Variants in GABPB1 observed in about 807,000 individuals in gnomAD.
GABPB1 encodes the protein GA binding protein transcription factor subunit beta 1.
In GABPB1, 15 loss-of-function variants were observed where a neutral mutation model predicts 45.9. The observed-to-expected ratio is 0.33, with a 90% CI of 0.22 to 0.50. The LOEUF (loss-of-function observed/expected upper bound fraction) is 0.50, where lower values mean the gene tolerates loss of function less well. Ranked by LOEUF, GABPB1 falls within the 20% of genes least tolerant of loss-of-function variation. The pLI is 0.98. For missense variants in GABPB1, 252 were observed against 457.5 expected (o/e 0.55, Z 4.10); for synonymous variants, 143 against 154.4 (o/e 0.93, Z 0.55).
chr15:50,303,436 C>A (rs2046827696), intron 3 of GABPB1, among the ~76,000 whole-genome samples: 1 of 152,168 alleles, frequency 6.6e-6, no homozygotes, highest in Non-Finnish European at 1.5e-5. Flanking sequence ...GTAATCCCAG[C>A]ACTTTGGGAG....
chr15:50,342,727 T>C (rs940447125), intron 1 of GABPB1, among the ~76,000 whole-genome samples: 1 of 152,364 alleles, frequency 6.6e-6, no homozygotes, highest in Non-Finnish European at 1.5e-5. Context: ...CACATGCACA[T>C]AGTAACATAT....
intron 1 of GABPB1, among the ~76,000 whole-genome samples, chr15:50,322,574 A>G (rs1469006508): frequency 1.3e-5 from 2 of 152,166 alleles, no homozygotes; most frequent in Admixed American, 6.5e-5. Context: ...TGTCCAGTAC[A>G]GTAACCACTA....
intron 1 of GABPB1, among the ~76,000 whole-genome samples, chr15:50,346,089 A>G (rs1226961675): frequency 6.6e-6 from 1 of 152,138 alleles, no homozygotes; most frequent in Non-Finnish European, 1.5e-5. Flanking sequence ...GGTAAAGTTA[A>G]CTGTGGCAGC....
At chr15:50,312,370 C>T (rs1354386238) in intron 1 of GABPB1, among the ~76,000 whole-genome samples, 1 of 152,098 alleles carries the variant, frequency 6.6e-6, no homozygotes, top group Non-Finnish European at 1.5e-5. Context: ...ATTTCCTTTC[C>T]TTTTTTTCTC....
Position 50,279,801 on chromosome 15 carries a change from T to C in GABPB1, c.1000-1017A>G, listed in dbSNP as rs189890298. ...AGGGGTCGGACTATCACAAGAATGA[T>C]AGGTCCACAGTGGACAAGACACTTG... On this transcript the variant is annotated intron_variant, in intron 8 of 8. Coordinates refer to ENST00000380877, the MANE Select transcript of GABPB1 (RefSeq NM_016654.5). Among the ~76,000 whole-genome samples the C allele has an allele frequency of 1.3e-3, 193 of 152,204 alleles. 2 individuals carry two copies. Among genetic ancestry groups the C allele is most frequent in the South Asian group, 4.0e-3 (19 of 4,810 alleles).
chr15:50,293,303 T>C (rs2046411953), intron 6 of GABPB1, among the ~76,000 whole-genome samples: 1 of 152,120 alleles, frequency 6.6e-6, no homozygotes, highest in African/African-American at 2.4e-5. Flanking sequence ...GGAAAAATAC[T>C]AGGAAACTAG....
At chr15:50,286,966 T>A (rs1311115057) in intron 7 of GABPB1, among the ~76,000 whole-genome samples, 1 of 152,122 alleles carries the variant, frequency 6.6e-6, no homozygotes, top group African/African-American at 2.4e-5. Context: ...TGCCAAAACA[T>A]GAAAAACTCT....
At chr15:50,325,376 G>C (rs1338847932) in intron 1 of GABPB1, among the ~76,000 whole-genome samples, 2 of 150,728 alleles carry the variant, frequency 1.3e-5, no homozygotes, top group East Asian at 3.9e-4. Flanking sequence ...GATCAGCTGT[G>C]TGACCCAGGT....
chr15:50,317,346 G>T, intron 1 of GABPB1, among the ~76,000 whole-genome samples: 1 of 149,860 alleles, frequency 6.7e-6, no homozygotes, highest in Non-Finnish European at 1.5e-5. Context: ...AGAGGTTGCA[G>T]TGAGCCGAGA....
chr15:50,287,440 G>C (rs1258760298), intron 7 of GABPB1, among the ~76,000 whole-genome samples: 2 of 152,158 alleles, frequency 1.3e-5, no homozygotes, highest in African/African-American at 4.8e-5. Flanking sequence ...TGGAGATAGG[G>C]TCCTTAAACA....
chr15:50,284,185 C>A (rs1482671378), intron 8 of GABPB1, among the ~76,000 whole-genome samples: 2 of 152,054 alleles, frequency 1.3e-5, no homozygotes, highest in African/African-American at 4.8e-5. Flanking sequence ...TGCAAAATAA[C>A]GACTTCATGT....
At position 50,289,671 on chromosome 15, in the gene GABPB1, GGA is replaced by G; in HGVS notation, c.698-5_698-4del. On this transcript the variant is annotated splice_polypyrimidine_tract_variant and splice_region_variant and intron_variant, in intron 6 of 8. Coordinates refer to ENST00000380877, the MANE Select transcript of GABPB1 (RefSeq NM_016654.5). ...AACTACTTCTTCTGTGGCCACTACT[GGA>G]AAAAAAAAAAAGAAAACTCAGCAAA... 6.4e-7 allele frequency: 1 copy of G among 1,570,590 alleles called. No homozygotes were observed. The highest frequency in any genetic ancestry group is 8.6e-7 in the Non-Finnish European group (1 of 1,164,136).
intron 1 of GABPB1, among the ~76,000 whole-genome samples, chr15:50,346,874 GC>G (rs952828020): frequency 1.4e-5 from 2 of 141,086 alleles, no homozygotes; most frequent in Non-Finnish European, 3.0e-5. Flanking sequence ...TGCAACCTCC[GC>G]CCCCCCCAGG....
rs1025200689 is a variant in GABPB1, at chr15:50,281,357, G to A, written c.1000-2573C>T. ...CTCCTGAGTAGCTGGGACTATAGGCGCACGCCACCATGCTCAGCTAATTTT... is the reference window on the plus strand; with the variant it reads ...CTCCTGAGTAGCTGGGACTATAGGCACACGCCACCATGCTCAGCTAATTTT... On this transcript the variant is annotated intron_variant, in intron 8 of 8. Coordinates refer to ENST00000380877, the MANE Select transcript of GABPB1 (RefSeq NM_016654.5). Among the ~76,000 whole-genome samples, 250 of 151,158 alleles carry A rather than the reference G, an allele frequency of 1.7e-3. 1 individual carries two copies. Among genetic ancestry groups the A allele is most frequent in the Non-Finnish European group, 2.5e-3 (166 of 67,552 alleles).
At chr15:50,329,546 C>A (rs1348819879) in intron 1 of GABPB1, among the ~76,000 whole-genome samples, 2 of 152,026 alleles carry the variant, frequency 1.3e-5, no homozygotes, top group African/African-American at 4.8e-5. Context: ...TTATCCTTAG[C>A]GTATATGCCA....
At chr15:50,327,493 C>T (rs1044943018) in intron 1 of GABPB1, among the ~76,000 whole-genome samples, 10 of 152,208 alleles carry the variant, frequency 6.6e-5, no homozygotes, top group Non-Finnish European at 1.3e-4. Flanking sequence ...CTACATAGTA[C>T]CTGCCCTTAA....
chr15:50,343,625 AC>A (rs1210084931), intron 1 of GABPB1, among the ~76,000 whole-genome samples: 2 of 150,424 alleles, frequency 1.3e-5, no homozygotes, highest in African/African-American at 4.9e-5. Context: ...TGCAGCCTCC[AC>A]CTCCCAGGTT....
chr15:50,314,189 TTATTTA>T (rs1295066143), intron 1 of GABPB1, among the ~76,000 whole-genome samples: 6 of 139,324 alleles, frequency 4.3e-5, no homozygotes, highest in Non-Finnish European at 7.9e-5. Flanking sequence ...ATTTATTTAT[TTATTTA>T]TTTTTTGAGA....
intron 6 of GABPB1, among the ~76,000 whole-genome samples, chr15:50,293,820 A>G (rs984037778): frequency 2.0e-5 from 3 of 152,218 alleles, no homozygotes; most frequent in African/African-American, 7.2e-5. Context: ...GTGCTATGGT[A>G]AGATATTTAA....
Sources: gnomAD v4.1 joint callset for allele counts (sites outside exome capture counted in the v4.1 genomes callset) on GRCh38, gnomAD v4.1.1 for gene constraint, MANE v1.5 for transcripts, NCBI Gene and HGNC (gene_info 2026-07-23, HGNC 2026-07-21) for gene names.